The following EML1 variants were observed in gnomAD, a reference collection of about 807,000 sequenced individuals.
EML1 encodes the protein echinoderm microtubule-associated protein-like 1.
In EML1, 27 loss-of-function variants were observed where a neutral mutation model predicts 110.4. That is an observed-to-expected ratio of 0.24 (90% confidence interval 0.18 to 0.34). The LOEUF (loss-of-function observed/expected upper bound fraction) is 0.34. EML1 is among the 10% of genes least tolerant of loss of function. The probability of loss-of-function intolerance (pLI) is 1.00; values close to 1 mark genes in which losing one functional copy is unlikely to be tolerated. For synonymous variants in EML1, 344 were observed against 385.8 expected (o/e 0.89, Z 1.27); for missense variants, 741 against 1,030.9 (o/e 0.72, Z 3.85).
At chr14:99,847,030 C>A (rs2058717604) in intron 1 of EML1, among the ~76,000 whole-genome samples, 1 of 151,958 alleles carries the variant, frequency 6.6e-6, no homozygotes, top group Non-Finnish European at 1.5e-5. Flanking sequence ...TTAGCTGCAT[C>A]CCATGTATTT....
At chr14:99,875,492 A>G (rs549411026) in intron 3 of EML1, among the ~76,000 whole-genome samples, 28 of 152,246 alleles carry the variant, frequency 1.8e-4, no homozygotes, top group African/African-American at 6.5e-4. Flanking sequence ...AATTATTAGA[A>G]AATCAGTTAG....
intron 1 of EML1, among the ~76,000 whole-genome samples, chr14:99,752,659 G>A (rs957102370): frequency 2.6e-5 from 4 of 152,136 alleles, no homozygotes; most frequent in Non-Finnish European, 5.9e-5. Context: ...CTGCCGCCAC[G>A]GGGCCTCCAG....
chr14:99,762,642 T>A (rs1029509053), intron 1 of EML1, among the ~76,000 whole-genome samples: 1 of 152,076 alleles, frequency 6.6e-6, no homozygotes, highest in African/African-American at 2.4e-5. Flanking sequence ...TACAAAAAAT[T>A]TTTTAAAGTA....
chr14:99,869,996 C>T (rs1478565528), intron 3 of EML1, among the ~76,000 whole-genome samples: 1 of 152,190 alleles, frequency 6.6e-6, no homozygotes, highest in Non-Finnish European at 1.5e-5. Context: ...TTATAAATTA[C>T]CCAGCCTTGG....
intron 1 of EML1, among the ~76,000 whole-genome samples, chr14:99,760,439 G>A (rs778239313): frequency 1.2e-4 from 19 of 152,178 alleles, no homozygotes; most frequent in Non-Finnish European, 2.8e-4. Flanking sequence ...TGCGGAACAT[G>A]GAGTGAAATG....
At chr14:99,806,316 CTTTTTTTTT>C (rs1198890041) in intron 1 of EML1, among the ~76,000 whole-genome samples, 3 of 87,754 alleles carry the variant, frequency 3.4e-5, no homozygotes, top group African/African-American at 9.7e-5. Flanking sequence ...TCTCCAGAAT[CTTTTTTTTT>C]TTTTTTTTTT....
intron 17 of EML1, among the ~76,000 whole-genome samples, chr14:99,935,350 G>T (rs569603106): frequency 6.6e-6 from 1 of 151,912 alleles, no homozygotes; most frequent in Non-Finnish European, 1.5e-5. Flanking sequence ...CATGGCACAC[G>T]CCTGTAGTCC....
intron 1 of EML1, among the ~76,000 whole-genome samples, chr14:99,822,495 T>C (rs1355182075): frequency 6.6e-6 from 1 of 152,214 alleles, no homozygotes; most frequent in African/African-American, 2.4e-5. Flanking sequence ...TCTGAGGAAG[T>C]TGAGCCCCCA....
In EML1 at chr14:99,936,327, C is replaced by T. The variant is rs1373009666; in HGVS notation, c.2088C>T (p.Ile696=). The stretch of plus-strand genomic sequence containing the variant: ...TGTCAAATTCCGGAGACTACGAAAT[C>T]CTCTACTGTGAGTACCACCCCGGGG... ...FLVSNSGDYE[I]LYWVPSACKQ... Residue 696 remains isoleucine (I), a synonymous_variant, in exon 19 of 22, where the codon ATC becomes ATT. Coordinates refer to ENST00000262233, the MANE Select transcript of EML1 (RefSeq NM_004434.3). This position sits in a 1 kb window ranked among gnomAD's most constrained non-coding sequence, Gnocchi z 5.5. 5 of 1,612,996 alleles carry T rather than the reference C, an allele frequency of 3.1e-6. No individual in the cohort carries two copies. Among genetic ancestry groups the T allele is most frequent in the African/African-American group, 1.3e-5 (1 of 74,854 alleles).
chr14:99,804,364 A>G (rs996620202), intron 1 of EML1, among the ~76,000 whole-genome samples: 4 of 152,198 alleles, frequency 2.6e-5, no homozygotes, highest in African/African-American at 9.7e-5. Context: ...AGTGCTCACC[A>G]AGCATCAGGT....
chr14:99,754,708 C>T (rs563700354), intron 1 of EML1, among the ~76,000 whole-genome samples: 37 of 152,348 alleles, frequency 2.4e-4, no homozygotes, highest in African/African-American at 8.9e-4. Context: ...GCAAAGCCCT[C>T]TACCAGCTGC....
chr14:99,879,055 G>T (rs980920931), intron 4 of EML1, among the ~76,000 whole-genome samples: 4 of 152,144 alleles, frequency 2.6e-5, no homozygotes, highest in Non-Finnish European at 4.4e-5. Flanking sequence ...GTAATTTTAT[G>T]ATTTATCAGA....
intron 1 of EML1, among the ~76,000 whole-genome samples, chr14:99,847,024 C>T (rs922592443): frequency 2.0e-5 from 3 of 152,156 alleles, no homozygotes; most frequent in Non-Finnish European, 4.4e-5. Context: ...CCTGCTTTAG[C>T]TGCATCCCAT....
chr14:99,740,199 C>T (rs2057026263), intron 1 of EML1, among the ~76,000 whole-genome samples: 1 of 152,208 alleles, frequency 6.6e-6, no homozygotes, highest in Non-Finnish European at 1.5e-5. Flanking sequence ...CTATCAGCTC[C>T]ACCGTGTAAC....
At chr14:99,757,313 T>G (rs1234220478) in intron 1 of EML1, among the ~76,000 whole-genome samples, 1 of 147,654 alleles carries the variant, frequency 6.8e-6, no homozygotes, top group East Asian at 2.0e-4. Context: ...CACTCCAGCC[T>G]GGGCGACAGA....
chr14:99,800,871 A>G (rs1409989982), intron 1 of EML1, among the ~76,000 whole-genome samples: 1 of 152,240 alleles, frequency 6.6e-6, no homozygotes, highest in African/African-American at 2.4e-5. Context: ...GTGTAGGGGC[A>G]GGTTCGACCT....
At chr14:99,804,718 G>C (rs566818545) in intron 1 of EML1, among the ~76,000 whole-genome samples, 2 of 152,176 alleles carry the variant, frequency 1.3e-5, no homozygotes, top group Admixed American at 6.5e-5. Context: ...CAGAGCAAAG[G>C]CCTTTCCCTT....
chr14:99,878,655 G>A, intron 4 of EML1, 36 bp downstream of exon 4: 1 of 1,600,258 alleles, frequency 6.2e-7, no homozygotes. Context: ...CTGCTGTTCA[G>A]ATATGTTAGT....
intron 2 of EML1, among the ~76,000 whole-genome samples, chr14:99,861,747 G>T (rs2059006743): frequency 6.6e-6 from 1 of 152,140 alleles, no homozygotes; most frequent in Non-Finnish European, 1.5e-5. Context: ...CTCCCAAAGT[G>T]CTGAGATTAC....
Sources: gnomAD v4.1 joint callset for allele counts (sites outside exome capture counted in the v4.1 genomes callset) on GRCh38, gnomAD v4.1.1 for gene constraint, Gnocchi (gnomAD v3.1) non-coding constraint, MANE v1.5 for transcripts, NCBI Gene and HGNC (gene_info 2026-07-23, HGNC 2026-07-21) for gene names.